EYS: variants seen among roughly 807,000 people sequenced by gnomAD.
The protein encoded by EYS is protein eyes shut homolog.
Under a neutral mutation model 282.1 loss-of-function variants are expected in EYS, and 250 were observed. That is an observed-to-expected ratio of 0.89 (90% CI 0.80 to 0.98). The LOEUF (loss-of-function observed/expected upper bound fraction) is 0.98. Among genes scored for constraint, EYS ranks in the 50% least tolerant of loss-of-function variants. EYS has a pLI of 0.00. For missense variants in EYS, 4,016 were observed against 3,709.0 expected (o/e 1.08, Z -2.15); for synonymous variants, 1,355 against 1,282.9 (o/e 1.06, Z -1.20).
intron 36 of EYS, among the ~76,000 whole-genome samples, chr6:63,863,896 G>A (rs954346413): frequency 6.6e-6 from 1 of 151,752 alleles, no homozygotes; most frequent in Non-Finnish European, 1.5e-5. Context: ...GGTGGGTCTC[G>A]AATTTCTGAC....
At chr6:64,345,361 C>G (rs1340293419) in intron 29 of EYS, among the ~76,000 whole-genome samples, 1 of 151,992 alleles carries the variant, frequency 6.6e-6, no homozygotes, top group Non-Finnish European at 1.5e-5. Context: ...AGATGTAGAC[C>G]AATGGAACAG....
intron 2 of EYS, among the ~76,000 whole-genome samples, chr6:65,617,803 T>C (rs925462121): frequency 6.6e-6 from 1 of 150,666 alleles, no homozygotes; most frequent in African/African-American, 2.4e-5. Flanking sequence ...ATATGTGGTG[T>C]TTGGTTTTTT....
At chr6:64,042,974 T>C (rs541431113) in intron 33 of EYS, among the ~76,000 whole-genome samples, 1 of 152,310 alleles carries the variant, frequency 6.6e-6, no homozygotes, top group Admixed American at 6.5e-5. Context: ...GTTAGCTGGG[T>C]GACCTTGGAC....
At chr6:65,182,438 A>C (rs968668690) in intron 12 of EYS, among the ~76,000 whole-genome samples, 1 of 151,376 alleles carries the variant, frequency 6.6e-6, no homozygotes, top group African/African-American at 2.4e-5. Context: ...TATTTTTCTT[A>C]ATGGTTCTTA....
rs1020726316 is a variant in EYS at position 64,948,690 on chromosome 6, C to A, written c.2260-2776G>T. On this transcript the variant is annotated intron_variant, in intron 14 of 42. Transcript: ENST00000503581. ...ACTATTTTTAAAAGCACATTTTCAG[C>A]CAATTTTGATGGAAAAGGAAAGTAT... Among the ~76,000 whole-genome samples the A allele has an allele frequency of 8.7e-5, 13 of 149,792 alleles. No homozygotes were observed. In the South Asian group the frequency reaches 2.7e-3, roughly 31 times the overall value.
At chr6:65,099,741 T>C (rs75628308) in intron 12 of EYS, among the ~76,000 whole-genome samples, 5,643 of 150,868 alleles carry the variant, frequency 0.037, 370 homozygotes, top group African/African-American at 0.13. Context: ...TTCTACTACA[T>C]TAATTGAAAT....
intron 11 of EYS, among the ~76,000 whole-genome samples, chr6:65,299,235 CT>C (rs1295810528): frequency 1.4e-4 from 21 of 151,994 alleles, no homozygotes; most frequent in Non-Finnish European, 3.1e-4. Context: ...ATGAATTGCA[CT>C]TTTTTTGCAA....
At chr6:65,459,161 A>G (rs1392260218) in intron 5 of EYS, among the ~76,000 whole-genome samples, 1 of 152,084 alleles carries the variant, frequency 6.6e-6, no homozygotes, top group Non-Finnish European at 1.5e-5. Context: ...AACTTTGCCA[A>G]AATTAATTGA....
chr6:64,443,052 G>A (rs192291425), intron 26 of EYS, among the ~76,000 whole-genome samples: 6 of 152,128 alleles, frequency 3.9e-5, no homozygotes, highest in South Asian at 2.1e-4. Context: ...GACACTCAAC[G>A]CCAGCCCACG....
At chr6:65,644,162 C>A (rs1032178307) in intron 1 of EYS, among the ~76,000 whole-genome samples, 1 of 151,854 alleles carries the variant, frequency 6.6e-6, no homozygotes, top group Non-Finnish European at 1.5e-5. Context: ...AACTTGAAAT[C>A]AAAAACATGA....
At chr6:65,144,446 T>G (rs1764423988) in intron 12 of EYS, among the ~76,000 whole-genome samples, 2 of 152,092 alleles carry the variant, frequency 1.3e-5, no homozygotes, top group Admixed American at 1.3e-4. Context: ...TATATTACCT[T>G]TGAATGGAAA....
At chr6:64,434,584 A>T (rs966929684) in intron 28 of EYS, among the ~76,000 whole-genome samples, 1 of 151,964 alleles carries the variant, frequency 6.6e-6, no homozygotes, top group Non-Finnish European at 1.5e-5. Flanking sequence ...TTCATATTAC[A>T]TTTCTCTAGC....
At chr6:65,325,028 C>T (rs994032820) in intron 11 of EYS, among the ~76,000 whole-genome samples, 1 of 152,190 alleles carries the variant, frequency 6.6e-6, no homozygotes, top group African/African-American at 2.4e-5. Flanking sequence ...GCCCCTATAA[C>T]TTCAGTTAGT....
At chr6:65,526,632 C>A (rs1018498338) in intron 2 of EYS, among the ~76,000 whole-genome samples, 1 of 151,996 alleles carries the variant, frequency 6.6e-6, no homozygotes, top group Non-Finnish European at 1.5e-5. Flanking sequence ...GGTGAAACCC[C>A]GTCTCTACTA....
intron 30 of EYS, among the ~76,000 whole-genome samples, chr6:64,292,595 T>G (rs1289561843): frequency 6.6e-6 from 1 of 152,076 alleles, no homozygotes; most frequent in Admixed American, 6.6e-5. Context: ...AGATCGAGGA[T>G]AGCTAATATA....
intron 13 of EYS, among the ~76,000 whole-genome samples, chr6:65,050,423 T>C (rs1773236618): frequency 6.6e-6 from 1 of 151,664 alleles, no homozygotes; most frequent in Admixed American, 6.6e-5. Context: ...TTCTATTGGA[T>C]TAATAACTTA....
At chr6:64,626,428 A>G (rs1476273301) in intron 22 of EYS, among the ~76,000 whole-genome samples, 183 bp from the exon 23 acceptor site, 1 of 152,116 alleles carries the variant, frequency 6.6e-6, no homozygotes, top group East Asian at 1.9e-4. Flanking sequence ...AATACTTAAC[A>G]CTAAATATCT....
At chr6:64,520,661 A>G (rs1660539113) in intron 26 of EYS, among the ~76,000 whole-genome samples, 1 of 151,820 alleles carries the variant, frequency 6.6e-6, no homozygotes, top group South Asian at 2.1e-4. Context: ...GAGAGACTGG[A>G]TATGCACATT....
Position 64,033,828 on chromosome 6 carries a change from C to CTATATATATA in EYS, c.6725+32509_6725+32510insTATATATATA, listed in dbSNP as rs1491226014. On this transcript the variant is annotated intron_variant, in intron 33 of 42. Coordinates refer to ENST00000503581, the MANE Select transcript of EYS (RefSeq NM_001142800.2). ...AGTAATTCTGACACAAATGAGATTACTCTCTCTCTCTCTCTCTCTATATAT... is the reference window on the plus strand; with the variant it reads ...AGTAATTCTGACACAAATGAGATTACTATATATATATCTCTCTCTCTCTCTCTCTATATAT... 6.0e-3 allele frequency among the ~76,000 whole-genome samples: 356 copies of CTATATATATA among 59,114 alleles called. 1 individual carries two copies. Among genetic ancestry groups the CTATATATATA allele is most frequent in the African/African-American group, 0.02 (300 of 15,120 alleles). The allele number at this position is 59,114 out of a possible 152,430, so 38.8% of individuals were successfully genotyped here.
Sources: gnomAD v4.1 joint callset for allele counts (sites outside exome capture counted in the v4.1 genomes callset) on GRCh38, gnomAD v4.1.1 for gene constraint, MANE v1.5 for transcripts, NCBI Gene and HGNC (gene_info 2026-07-23, HGNC 2026-07-21) for gene names.